NLRC5: variants seen among roughly 807,000 people sequenced by gnomAD.
NLRC5 encodes the protein protein NLRC5.
A neutral mutation model predicts 206.9 loss-of-function variants in NLRC5; 114 were observed. That is an observed-to-expected ratio of 0.55 (90% CI 0.47 to 0.64). The LOEUF (loss-of-function observed/expected upper bound fraction) is 0.64. Ranked by LOEUF, NLRC5 falls within the 30% of genes least tolerant of loss-of-function variation. The pLI, the probability that NLRC5 is intolerant of heterozygous loss-of-function variation, is 0.00. For synonymous variants in NLRC5, 952 were observed against 962.8 expected, an observed-to-expected ratio of 0.99 and a Z score of 0.21; for missense variants, 2,008 against 2,305.5, an observed-to-expected ratio of 0.87 and a Z score of 2.64.
chr16:57,057,563 T>G (rs2065843893), intron 27 of NLRC5, among the ~76,000 whole-genome samples: 1 of 152,172 alleles, frequency 6.6e-6, no homozygotes, highest in Non-Finnish European at 1.5e-5. Flanking sequence ...CAAACATTTT[T>G]TTTTCCTGAA....
chr16:57,046,418 T>G, intron 21 of NLRC5, 134 bp from the exon 22 acceptor site: 1 of 670,202 alleles, frequency 1.5e-6, no homozygotes, highest in Non-Finnish European at 2.6e-6. Context: ...GCCCTGACTT[T>G]CCAAGTCTGG....
intron 18 of NLRC5, 91 bp downstream of exon 18, chr16:57,041,665 C>G (rs1361310159): frequency 2.9e-6 from 3 of 1,027,936 alleles, no homozygotes; most frequent in Non-Finnish European, 4.5e-6. Flanking sequence ...AGATTTAGAT[C>G]AACTGTTCTT....
At chr16:57,014,206 C>T (rs289703) in intron 1 of NLRC5, 39,175 of 171,374 alleles carry the variant, frequency 0.23, 4,982 homozygotes, top group Non-Finnish European at 0.29. Context: ...CAGCATATTG[C>T]TATGTATTTT....
rs1235460627 is a variant in NLRC5, at chr16:57,022,330, TG to T, written c.355+21del. ...GCTCCACCATGGTGAGGACTGGAGTTGGGGGGTGGGAAGGGGGTGGTGAGCA... is the reference window on the plus strand; with the variant it reads ...GCTCCACCATGGTGAGGACTGGAGTTGGGGGTGGGAAGGGGGTGGTGAGCA... On this transcript the variant is annotated intron_variant, in intron 4 of 48. Transcript: ENST00000688547. 6 of 1,603,434 alleles carry T rather than the reference TG, an allele frequency of 3.7e-6. No individual in the cohort carries two copies. The highest frequency in any genetic ancestry group is 2.2e-5 in the East Asian group (1 of 44,484).
chr16:57,062,914 C>G (rs1034267881), intron 32 of NLRC5, among the ~76,000 whole-genome samples: 21 of 152,064 alleles, frequency 1.4e-4, no homozygotes, highest in African/African-American at 4.3e-4. Context: ...CCATTTCCCC[C>G]CTACCCCAGC....
intron 15 of NLRC5, 75 bp downstream of exon 15, chr16:57,037,359 T>C: frequency 7.3e-7 from 1 of 1,376,736 alleles, no homozygotes; most frequent in Non-Finnish European, 1.0e-6. Flanking sequence ...GAATTCCTTC[T>C]GGGCCCAGGC....
chr16:57,035,799 G>A (rs1003696627), intron 13 of NLRC5, among the ~76,000 whole-genome samples: 5 of 152,164 alleles, frequency 3.3e-5, no homozygotes, highest in African/African-American at 9.7e-5. Context: ...GTTCTCCCTC[G>A]AGCAAGTGCC....
At position 57,082,588 on chromosome 16, in the gene NLRC5, G is replaced by A. The variant is rs532783022; in HGVS notation, c.*60G>A. On this transcript the variant is annotated 3_prime_UTR_variant, in exon 49 of 49. Transcript: ENST00000688547. The stretch of plus-strand genomic sequence containing the variant: ...GATGCACCCAAATGATCCACCTTTC[G>A]CCCACTGGGATAATTGACTCAGGAA... 1.5e-5 allele frequency: 20 copies of A among 1,295,150 alleles called. No individual in the cohort carries two copies. Among genetic ancestry groups the A allele is most frequent in the South Asian group, 6.2e-5 (5 of 80,740 alleles). The allele number at this position is 1,295,150 out of a possible 1,614,324, so 80.2% of individuals were successfully genotyped here.
chr16:57,000,228 C>T (rs948680068), intron 1 of NLRC5, among the ~76,000 whole-genome samples: 19 of 152,168 alleles, frequency 1.2e-4, no homozygotes, highest in African/African-American at 4.6e-4. Flanking sequence ...AGGCCACCAG[C>T]TGGCCACCTG....
chr16:57,072,743 A>T (rs1433424397), intron 38 of NLRC5, among the ~76,000 whole-genome samples: 1 of 132,068 alleles, frequency 7.6e-6, no homozygotes, highest in Non-Finnish European at 1.7e-5. Flanking sequence ...TATGTAACAA[A>T]TAACATGAAA....
Position 57,083,032 on chromosome 16 carries a change from A to G in NLRC5, c.*504A>G, listed in dbSNP as rs1484048273. 6.6e-6 allele frequency: 1 copy of G among 152,574 alleles called. No homozygotes were observed. The highest frequency in any genetic ancestry group is 2.4e-5 in the African/African-American group (1 of 41,466). 9.5% of individuals were successfully genotyped at this position (152,574 alleles called of 1,614,324 possible). A position where few individuals can be genotyped will look rare whatever the true frequency, so the allele number is the denominator to read the frequency against. On this transcript the variant is annotated 3_prime_UTR_variant, in exon 49 of 49. Transcript: ENST00000688547. ...ATTTATTAATTTTTAAAGCAAATACATATTTATAGATTGTGTGTATGGAGC... is the reference window on the plus strand; with the variant it reads ...ATTTATTAATTTTTAAAGCAAATACGTATTTATAGATTGTGTGTATGGAGC...
intron 39 of NLRC5, among the ~76,000 whole-genome samples, chr16:57,075,511 C>T (rs1280775770): frequency 2.0e-5 from 3 of 152,178 alleles, no homozygotes; most frequent in Non-Finnish European, 4.4e-5. Context: ...TGAGCCACCA[C>T]GCCTGGCTTC....
intron 36 of NLRC5, among the ~76,000 whole-genome samples, chr16:57,068,538 CCT>C (rs1468628873): frequency 8.5e-5 from 13 of 152,066 alleles, no homozygotes; most frequent in African/African-American, 3.1e-4. Flanking sequence ...TCACTCTCTC[CCT>C]CTCTCCTTTT....
intron 18 of NLRC5, 66 bp downstream of exon 18, chr16:57,041,640 T>C: frequency 7.3e-7 from 1 of 1,370,960 alleles, no homozygotes; most frequent in South Asian, 1.2e-5. Flanking sequence ...TGTTGGTGTT[T>C]GGGTTTGGTT....
At position 57,046,562 on chromosome 16, in the gene NLRC5, G is replaced by A. The variant is rs2064000834; in HGVS notation, c.3259G>A (p.Ala1087Thr). The change falls in exon 22 of 49, where the codon GCC (alanine) becomes ACC (threonine). Residue 1087 changes from alanine to threonine, a missense_variant. Coordinates refer to ENST00000688547, the MANE Select transcript of NLRC5 (RefSeq NM_001384950.1). Reference sequence around the variant, plus strand: ...TGATCCCCCTCCTAGGGATATGTGGGCCACTGGATCTTTGCCAGACTTCCC... The same window carrying A: ...TGATCCCCCTCCTAGGGATATGTGGACCACTGGATCTTTGCCAGACTTCCC... ...RGDKTSRDMW[A>T]TGSLPDFPAA... The A allele has an allele frequency of 6.2e-7, 1 of 1,613,762 alleles. No homozygotes were observed. Among genetic ancestry groups the A allele is most frequent in the Admixed American group, 1.7e-5 (1 of 59,994 alleles).
chr16:57,003,388 G>T (rs2058524317), intron 1 of NLRC5, among the ~76,000 whole-genome samples: 1 of 152,082 alleles, frequency 6.6e-6, no homozygotes, highest in Non-Finnish European at 1.5e-5. Context: ...TCCATGTCAG[G>T]GATTCCACAT....
chr16:57,035,276 A>C, intron 13 of NLRC5, among the ~76,000 whole-genome samples: 2 of 150,594 alleles, frequency 1.3e-5, no homozygotes, highest in African/African-American at 2.5e-5. Context: ...TACCTGGATG[A>C]CCCCCTCGCC....
chr16:57,061,406 C>T lies in NLRC5; in HGVS notation c.3987-42C>T, dbSNP rs370733696. On this transcript the variant is annotated intron_variant, in intron 30 of 48. Coordinates refer to ENST00000688547, the MANE Select transcript of NLRC5 (RefSeq NM_001384950.1). ...TGAGATGAAGCTGAGCAGCAGTGCC[C>T]ACAGGCCTCACCCAGGCTCTGCCCT... 1.0e-5 allele frequency: 16 copies of T among 1,585,628 alleles called. No individual in the cohort carries two copies. In the African/African-American group the frequency reaches 2.1e-4, roughly 21 times the overall value.
chr16:57,051,696 C>T (rs554261367), intron 24 of NLRC5, 75 bp downstream of exon 24: 61 of 1,185,448 alleles, frequency 5.1e-5, no homozygotes, highest in Non-Finnish European at 6.8e-5. Context: ...CAAAGCTGTA[C>T]CTGCCCTCTA....
Sources: allele counts gnomAD v4.1 joint callset (sites outside exome capture counted in the v4.1 genomes callset), GRCh38; gene constraint gnomAD v4.1.1; transcripts MANE v1.5; gene names NCBI Gene and HGNC (gene_info 2026-07-23, HGNC 2026-07-21).